The following NAV2 variants were observed in gnomAD, a reference collection of about 807,000 sequenced individuals.
NAV2 encodes helicase, APC down-regulated 1.
Under a neutral mutation model 223.2 loss-of-function variants are expected in NAV2, and 54 were observed. The ratio of observed to expected loss-of-function variants is 0.24; its 90% CI spans 0.19 to 0.30. The LOEUF (loss-of-function observed/expected upper bound fraction) is 0.30, where lower values mean the gene tolerates loss of function less well. NAV2 is among the 10% of genes least tolerant of loss of function. The probability of loss-of-function intolerance (pLI) is 1.00; values close to 1 mark genes in which losing one functional copy is unlikely to be tolerated. For synonymous variants in NAV2, 1,279 were observed against 1,239.3 expected (o/e 1.03, Z -0.67); for missense variants, 2,806 against 3,147.5 (o/e 0.89, Z 2.60).
At chr11:19,618,427 T>TGGAC (rs2046874565) in intron 1 of NAV2, among the ~76,000 whole-genome samples, 1 of 151,130 alleles carries the variant, frequency 6.6e-6, no homozygotes, top group East Asian at 2.0e-4. Flanking sequence ...GATGGATGGA[T>TGGAC]GGATGGATGG....
intron 11 of NAV2, chr11:20,022,840 T>G: frequency 7.8e-7 from 1 of 1,273,888 alleles, no homozygotes; most frequent in African/African-American, 1.5e-5. Context: ...TTGCTGAAAC[T>G]TTTCACAGCT....
chr11:19,921,096 G>T (rs1039002047), intron 6 of NAV2, among the ~76,000 whole-genome samples: 2 of 152,186 alleles, frequency 1.3e-5, no homozygotes, highest in Non-Finnish European at 2.9e-5. Flanking sequence ...GAAGACAACT[G>T]TCAGGTGAAA....
intron 11 of NAV2, among the ~76,000 whole-genome samples, chr11:19,990,408 CCA>C (rs1420519522): frequency 1.3e-5 from 2 of 152,160 alleles, no homozygotes; most frequent in African/African-American, 4.8e-5. Context: ...TCTTGGCTAA[CCA>C]CTACATGGAC....
In NAV2 at chr11:19,423,489, T is replaced by C. The variant is rs1478955207; in HGVS notation, c.75+72462T>C. On this transcript the variant is annotated intron_variant, in intron 1 of 37. Coordinates refer to the NAV2 transcript ENST00000360655. ...TAAGAGGCTTGAGAATATTCTGTTA[T>C]GGGGAAAGCAGTGAAGCTTCCAAAC... Among the ~76,000 whole-genome samples the C allele has an allele frequency of 2.0e-5, 3 of 152,216 alleles. No individual in the cohort carries two copies. In the East Asian group the frequency reaches 5.8e-4, roughly 29 times the overall value.
chr11:19,900,780 A>G (rs2153187517), intron 6 of NAV2, among the ~76,000 whole-genome samples: 1 of 152,278 alleles, frequency 6.6e-6, no homozygotes, highest in East Asian at 1.9e-4. Flanking sequence ...ACCATAAGCA[A>G]TGTGCTTAGT....
chr11:19,429,102 C>T (rs1264555317), intron 1 of NAV2, among the ~76,000 whole-genome samples: 1 of 152,180 alleles, frequency 6.6e-6, no homozygotes, highest in Non-Finnish European at 1.5e-5. Flanking sequence ...CTCTGTGAAG[C>T]CTTTCTAGAA....
intron 1 of NAV2, among the ~76,000 whole-genome samples, chr11:19,789,901 C>T (rs372090680): frequency 2.6e-5 from 4 of 152,252 alleles, no homozygotes; most frequent in East Asian, 3.9e-4. Context: ...TGCAAAGTCC[C>T]GACTTCTTCT....
chr11:19,378,190 A>G (rs772544447), intron 1 of NAV2, among the ~76,000 whole-genome samples: 21 of 152,278 alleles, frequency 1.4e-4, no homozygotes, highest in South Asian at 1.0e-3. Context: ...TCACAGCCCC[A>G]GCCCCCCTAC....
intron 1 of NAV2, among the ~76,000 whole-genome samples, chr11:19,690,917 A>G (rs2049154283): frequency 6.6e-6 from 1 of 152,222 alleles, no homozygotes; most frequent in Non-Finnish European, 1.5e-5. Flanking sequence ...AGCACACACC[A>G]AAGCTTTTCT....
intron 3 of NAV2, among the ~76,000 whole-genome samples, chr11:19,856,416 T>C (rs565987696): frequency 5.6e-4 from 86 of 152,354 alleles, no homozygotes; most frequent in Non-Finnish European, 1.1e-3. Flanking sequence ...CTTTAGAATT[T>C]GAAACTGTTG....
intron 1 of NAV2, among the ~76,000 whole-genome samples, chr11:19,599,748 G>C (rs577711044): frequency 6.6e-5 from 10 of 152,314 alleles, no homozygotes; most frequent in African/African-American, 2.4e-4. Context: ...TGAAGTGTCA[G>C]GTGAAATGTG....
In NAV2 at chr11:19,825,002, C is replaced by T. The variant is rs148579440; in HGVS notation, c.268-7482C>T. ...ACGTACTGCTCAGTCTTAGAAATGA[C>T]ATTGTGTTGGCTAGGTGTGGTGGCT... On this transcript the variant is annotated intron_variant, in intron 1 of 37. Transcript: ENST00000349880. Among the ~76,000 whole-genome samples, 210 of 152,144 alleles carry T rather than the reference C, an allele frequency of 1.4e-3. 1 individual carries two copies. The highest frequency in any genetic ancestry group is 4.9e-3 in the African/African-American group (202 of 41,530).
intron 20 of NAV2, among the ~76,000 whole-genome samples, chr11:20,063,510 T>C (rs1211640380): frequency 6.6e-6 from 1 of 152,082 alleles, no homozygotes; most frequent in African/African-American, 2.4e-5. Flanking sequence ...GTAGCTGGGA[T>C]TACAGGCAGG....
At chr11:19,851,370 T>C (rs2061114053) in intron 3 of NAV2, among the ~76,000 whole-genome samples, 1 of 152,232 alleles carries the variant, frequency 6.6e-6, no homozygotes, top group Non-Finnish European at 1.5e-5. Flanking sequence ...GCCCCTCATC[T>C]AGGCATAGGC....
chr11:19,615,962 C>T (rs957019579), intron 1 of NAV2, among the ~76,000 whole-genome samples: 2 of 152,146 alleles, frequency 1.3e-5, no homozygotes, highest in African/African-American at 4.8e-5. Flanking sequence ...GTAAGCAGAG[C>T]GCTGCCTCCC....
intron 1 of NAV2, among the ~76,000 whole-genome samples, chr11:19,650,418 C>T (rs1032761876): frequency 1.3e-5 from 2 of 152,146 alleles, no homozygotes; most frequent in African/African-American, 4.8e-5. Context: ...GAGCGTGGCC[C>T]TGCTAACACC....
Position 19,573,505 on chromosome 11 carries a change from C to T in NAV2, c.75+222478C>T, listed in dbSNP as rs537049112. Among the ~76,000 whole-genome samples the T allele has an allele frequency of 1.4e-4, 22 of 152,180 alleles. No individual in the cohort carries two copies. In the East Asian group the frequency reaches 3.9e-3, roughly 27 times the overall value. On this transcript the variant is annotated intron_variant, in intron 1 of 37. Transcript: ENST00000360655. ...ATAGGTGGGAAGGAGGATTTCCTGGCGGGTTCTGATTTTAGAATTTACCTG... is the reference window on the plus strand; with the variant it reads ...ATAGGTGGGAAGGAGGATTTCCTGGTGGGTTCTGATTTTAGAATTTACCTG...
intron 1 of NAV2, among the ~76,000 whole-genome samples, chr11:19,412,732 G>A (rs1255066303): frequency 1.3e-5 from 2 of 152,186 alleles, no homozygotes; most frequent in African/African-American, 4.8e-5. Context: ...GAAGAAACAG[G>A]CAGCAATCTT....
chr11:19,556,152 A>G (rs187510436), intron 1 of NAV2, among the ~76,000 whole-genome samples: 10 of 152,288 alleles, frequency 6.6e-5, no homozygotes, highest in Non-Finnish European at 1.3e-4. Flanking sequence ...AATCTTGCCT[A>G]AGGAAATAAT....
Sources: allele counts gnomAD v4.1 joint callset (sites outside exome capture counted in the v4.1 genomes callset), GRCh38; gene constraint gnomAD v4.1.1; transcripts MANE v1.5; gene names NCBI Gene and HGNC (gene_info 2026-07-23, HGNC 2026-07-21).